Variants in GMDS observed in about 807,000 individuals in gnomAD.
The protein encoded by GMDS is GDP-mannose 4,6-dehydratase.
GMDS carries 20 observed loss-of-function variants against 49.9 expected under a neutral mutation model. The ratio of observed to expected loss-of-function variants is 0.40; its 90% CI spans 0.28 to 0.58. The LOEUF is 0.58. Ranked by LOEUF, GMDS falls within the 20% of genes least tolerant of loss-of-function variation. GMDS has a pLI of 0.42. For missense variants in GMDS, 362 were observed against 481.4 expected (o/e 0.75, Z 2.32); for synonymous variants, 177 against 178.6 (o/e 0.99, Z 0.07).
At chr6:1,681,483 C>G (rs1164270409) in intron 9 of GMDS, among the ~76,000 whole-genome samples, 1 of 152,162 alleles carries the variant, frequency 6.6e-6, no homozygotes, top group Non-Finnish European at 1.5e-5. Flanking sequence ...CCATTCAGGA[C>G]AAGATGGAAA....
At position 1,773,168 on chromosome 6, in the gene GMDS, CAGTT is replaced by C. The variant is rs369790406; in HGVS notation, c.772-30586_772-30583del. ...CTTTACATTTTATATGCATTCAAGG[CAGTT>C]AGAAAATGCACAGAGGGTCCTCTTT... is the stretch of plus-strand genomic sequence containing the variant. On this transcript the variant is annotated intron_variant, in intron 7 of 10. Coordinates refer to ENST00000380815, the MANE Select transcript of GMDS (RefSeq NM_001500.4). Among the ~76,000 whole-genome samples, 312 of 148,010 alleles carry C rather than the reference CAGTT, an allele frequency of 2.1e-3. 2 individuals carry two copies. The highest frequency in any genetic ancestry group is 6.0e-3 in the African/African-American group (241 of 40,174).
At chr6:1,877,754 C>T (rs1433397711) in intron 7 of GMDS, among the ~76,000 whole-genome samples, 2 of 151,792 alleles carry the variant, frequency 1.3e-5, no homozygotes, top group African/African-American at 4.8e-5. Context: ...TCTCTGGCCA[C>T]CTGGCACAAG....
At position 2,068,251 on chromosome 6, in the gene GMDS, T is replaced by C. The variant is rs529200962; in HGVS notation, c.345+47520A>G. On this transcript the variant is annotated intron_variant, in intron 4 of 10. Transcript: ENST00000380815. ...TAAAAACTCCCAATAAATTAGGTAT[T>C]GATGGGACGTATTTCAAAATAATAA... Among the ~76,000 whole-genome samples the C allele has an allele frequency of 2.6e-3, 396 of 152,198 alleles. 6 individuals are homozygous for C. The highest frequency in any genetic ancestry group is 0.019 in the Admixed American group (296 of 15,292).
At chr6:1,963,773 GC>G (rs1764105985) in intron 4 of GMDS, among the ~76,000 whole-genome samples, 1 of 152,138 alleles carries the variant, frequency 6.6e-6, no homozygotes, top group African/African-American at 2.4e-5. Context: ...ACTGGTAGTG[GC>G]CACTGAGCAG....
chr6:1,814,057 T>C (rs529234464), intron 7 of GMDS, among the ~76,000 whole-genome samples: 40 of 152,368 alleles, frequency 2.6e-4, no homozygotes, highest in Admixed American at 1.4e-3. Context: ...TTGTGATTTG[T>C]GTTTCCACTT....
chr6:1,759,388 G>C (rs530647456), intron 7 of GMDS, among the ~76,000 whole-genome samples: 48 of 152,356 alleles, frequency 3.2e-4, no homozygotes, highest in African/African-American at 1.1e-3. Context: ...CTAAGTGTTA[G>C]AGCTGGGGCT....
At chr6:2,017,481 G>C (rs936634871) in intron 4 of GMDS, among the ~76,000 whole-genome samples, 1 of 152,082 alleles carries the variant, frequency 6.6e-6, no homozygotes, top group South Asian at 2.1e-4. Flanking sequence ...GCTAATTTTT[G>C]TATTTTTAGT....
At chr6:1,824,162 C>T (rs1771007804) in intron 7 of GMDS, among the ~76,000 whole-genome samples, 1 of 152,158 alleles carries the variant, frequency 6.6e-6, no homozygotes, top group South Asian at 2.1e-4. Flanking sequence ...TCCCTTTAGC[C>T]CGGGACCCTT....
intron 4 of GMDS, among the ~76,000 whole-genome samples, chr6:2,000,653 T>C (rs1047177300): frequency 6.6e-6 from 1 of 152,192 alleles, no homozygotes; most frequent in African/African-American, 2.4e-5. Flanking sequence ...GTATGAAGTC[T>C]CTTTTTTTGT....
At chr6:2,117,722 A>G (rs1273584649) in intron 2 of GMDS, among the ~76,000 whole-genome samples, 166 bp from the exon 3 acceptor site, 1 of 152,156 alleles carries the variant, frequency 6.6e-6, no homozygotes, top group Non-Finnish European at 1.5e-5. Flanking sequence ...ACCAGCTACG[A>G]ACATCCTACC....
intron 4 of GMDS, among the ~76,000 whole-genome samples, chr6:2,103,833 T>G (rs1403235784): frequency 6.6e-6 from 1 of 152,266 alleles, no homozygotes; most frequent in Admixed American, 6.5e-5. Context: ...TATGTCATTA[T>G]TTAGGAATGT....
chr6:1,910,814 G>T (rs1216739301), intron 7 of GMDS, among the ~76,000 whole-genome samples: 1 of 152,190 alleles, frequency 6.6e-6, no homozygotes, highest in East Asian at 1.9e-4. Flanking sequence ...AAAACAAGTG[G>T]TGAGGCCAAT....
rs181464373 is a variant in GMDS, at chr6:2,142,979, C to T, written c.103-18248G>A. ...CAGTGGAACTCACAATTCTAAATGC[C>T]GATTCAACCACCACTTTCTCAGAAA... is the stretch of plus-strand genomic sequence containing the variant. On this transcript the variant is annotated intron_variant, in intron 1 of 10. Transcript: ENST00000380815. 3.3e-5 allele frequency among the ~76,000 whole-genome samples: 5 copies of T among 152,252 alleles called. No individual in the cohort carries two copies. The East Asian group carries it at 7.7e-4, about 24-fold the overall frequency.
At chr6:2,235,495 T>A (rs913780567) in intron 1 of GMDS, among the ~76,000 whole-genome samples, 2 of 152,152 alleles carry the variant, frequency 1.3e-5, no homozygotes, top group African/African-American at 4.8e-5. Context: ...CTCCCCATAG[T>A]CTGCATGGAG....
At chr6:2,000,011 TTTTATATATATATATATCTATATC>T (rs1766671610) in intron 4 of GMDS, among the ~76,000 whole-genome samples, 1 of 5,600 alleles carries the variant, frequency 1.8e-4, no homozygotes, top group African/African-American at 3.4e-4. Context: ...TATATATATT[TTTTATATATATATATATCTATATC>T]TTTTTTTTTT....
At chr6:1,747,044 T>A (rs1423016417) in intron 7 of GMDS, among the ~76,000 whole-genome samples, 1 of 152,100 alleles carries the variant, frequency 6.6e-6, no homozygotes, top group Non-Finnish European at 1.5e-5. Context: ...TACTCCTCTC[T>A]CACAGTCTCC....
Position 2,176,844 on chromosome 6 carries a change from G to A in GMDS, c.103-52113C>T, listed in dbSNP as rs565756567. Among the ~76,000 whole-genome samples the A allele has an allele frequency of 2.0e-5, 3 of 152,292 alleles. No individual in the cohort carries two copies. In the South Asian group the frequency reaches 6.2e-4, roughly 32 times the overall value. On this transcript the variant is annotated intron_variant, in intron 1 of 10. Coordinates refer to ENST00000380815, the MANE Select transcript of GMDS (RefSeq NM_001500.4). The stretch of plus-strand genomic sequence containing the variant: ...AGGTTATAGTGCAGGGCCAAGGAGG[G>A]AGAAGGGTCAGGTAAAAGGCCTGGC...
intron 7 of GMDS, among the ~76,000 whole-genome samples, chr6:1,914,386 G>C (rs1310302514): frequency 6.7e-6 from 1 of 149,600 alleles, no homozygotes; most frequent in Non-Finnish European, 1.5e-5. Context: ...AGAATGGCGT[G>C]AACCCAGGAG....
chr6:1,798,535 TGTGA>T (rs1333623647), intron 7 of GMDS, among the ~76,000 whole-genome samples: 2 of 152,160 alleles, frequency 1.3e-5, no homozygotes, highest in African/African-American at 4.8e-5. Flanking sequence ...GTAGCTGGAA[TGTGA>T]GTGAGGCCCA....
Sources: allele counts gnomAD v4.1 joint callset (sites outside exome capture counted in the v4.1 genomes callset), GRCh38; gene constraint gnomAD v4.1.1; transcripts MANE v1.5; gene names NCBI Gene and HGNC (gene_info 2026-07-23, HGNC 2026-07-21).